RRM2B: variants seen among roughly 807,000 people sequenced by gnomAD.
RRM2B encodes the protein ribonucleotide reductase regulatory TP53 inducible subunit M2B.
RRM2B carries 20 observed loss-of-function variants against 45.9 expected under a neutral mutation model. The observed-to-expected ratio is 0.44, with a 90% confidence interval of 0.31 to 0.63. RRM2B has a LOEUF of 0.63. RRM2B is among the 30% of genes least tolerant of loss of function. RRM2B has a pLI of 0.09. For missense variants in RRM2B, 320 were observed against 414.7 expected, an observed-to-expected ratio of 0.77 and a Z score of 1.98; for synonymous variants, 124 against 132.3, an observed-to-expected ratio of 0.94 and a Z score of 0.43.
At chr8:102,213,645 A>T (rs1810673282) in intron 7 of RRM2B, among the ~76,000 whole-genome samples, 1 of 152,160 alleles carries the variant, frequency 6.6e-6, no homozygotes, top group South Asian at 2.1e-4. Flanking sequence ...TATTCATTCT[A>T]TAAAAATTTG....
rs1337364087 is a variant in RRM2B at position 102,207,434 on chromosome 8, C to T, written c.*699G>A. On this transcript the variant is annotated 3_prime_UTR_variant, in exon 9 of 9. Transcript: ENST00000251810. ...ACTACCATGATAACCTCCTGGTTTC[C>T]ACTCCATAAGTAGGCTTCCCAAAGC... The T allele has an allele frequency of 1.3e-5, 2 of 152,122 alleles. No individual in the cohort carries two copies. Among genetic ancestry groups the T allele is most frequent in the Non-Finnish European group, 2.9e-5 (2 of 67,998 alleles). The allele number at this position is 152,122 out of a possible 1,614,324, so 9.4% of individuals were successfully genotyped here. A position where few individuals can be genotyped will look rare whatever the true frequency, so the allele number is the denominator to read the frequency against.
intron 2 of RRM2B, among the ~76,000 whole-genome samples, chr8:102,229,922 T>C (rs555489537): frequency 2.0e-4 from 31 of 152,326 alleles, no homozygotes; most frequent in Non-Finnish European, 2.9e-4. Flanking sequence ...ATGTTAATAT[T>C]GTAAGATGCT....
At chr8:102,215,610 A>G (rs113592170) in intron 6 of RRM2B, among the ~76,000 whole-genome samples, 81 of 152,278 alleles carry the variant, frequency 5.3e-4, no homozygotes, top group African/African-American at 1.9e-3. Context: ...CCAAGCGGGC[A>G]CAGAGGTCAA....
Position 102,224,978 on chromosome 8 carries a change from C to T in RRM2B, c.362G>A (p.Arg121His), listed in dbSNP as rs267607024. The T allele has an allele frequency of 6.2e-6, 10 of 1,613,846 alleles. No homozygotes were observed. Among genetic ancestry groups the T allele is most frequent in the African/African-American group, 2.7e-5 (2 of 74,900 alleles). Residue 121 changes from arginine (R) to histidine (H), a missense_variant, in exon 4 of 9, where the codon CGC becomes CAC. This residue lies in a region of RRM2B where 225 missense variants were observed against 289.4 expected (regional missense o/e 0.78). Coordinates refer to ENST00000251810, the MANE Select transcript of RRM2B (RefSeq NM_015713.5). Reference protein sequence around the residue: ...FSQEVQVPEARCFYGFQILIE... With the variant: ...FSQEVQVPEAHCFYGFQILIE... ...GAGAATTTGAAAGCCATAGAAACAG[C>T]GAGCCTCTGGAACCTGCACCTCCTG...
intron 1 of RRM2B, among the ~76,000 whole-genome samples, chr8:102,238,131 AAACAACTTGGATG>A (rs1301967735): frequency 6.6e-6 from 1 of 152,260 alleles, no homozygotes; most frequent in Non-Finnish European, 1.5e-5. Context: ...TTATCAGCAT[AAACAACTTGGATG>A]AACAACTTGG....
At chr8:102,219,091 T>G in intron 5 of RRM2B, 144 bp from the exon 6 acceptor site, 1 of 846,322 alleles carries the variant, frequency 1.2e-6, no homozygotes, top group Non-Finnish European at 1.9e-6. Context: ...AAGATCTCCA[T>G]AGGAGAAAAT....
chr8:102,226,680 T>C (rs1410749523), intron 2 of RRM2B, among the ~76,000 whole-genome samples: 1 of 152,184 alleles, frequency 6.6e-6, no homozygotes, highest in East Asian at 1.9e-4. Flanking sequence ...CAGTCTACTT[T>C]TACATCCAGA....
chr8:102,219,783 G>A (rs1169384834), intron 5 of RRM2B, among the ~76,000 whole-genome samples: 1 of 152,224 alleles, frequency 6.6e-6, no homozygotes. Context: ...GATACAGGCA[G>A]CTGAGTGCTT....
intron 7 of RRM2B, among the ~76,000 whole-genome samples, 190 bp from the exon 8 acceptor site, chr8:102,213,079 T>C (rs1045439822): frequency 4.6e-5 from 7 of 152,194 alleles, no homozygotes; most frequent in Non-Finnish European, 8.8e-5. Context: ...ACTATTCACA[T>C]TTTTTCATGT....
chr8:102,215,182 G>A (rs929262341), intron 6 of RRM2B, among the ~76,000 whole-genome samples: 8 of 151,540 alleles, frequency 5.3e-5, no homozygotes, highest in African/African-American at 1.9e-4. Context: ...GGAGGCTAAG[G>A]TGGGCAGATT....
intron 4 of RRM2B, among the ~76,000 whole-genome samples, 171 bp downstream of exon 4, chr8:102,224,714 C>A (rs1207998603): frequency 6.6e-6 from 1 of 152,072 alleles, no homozygotes; most frequent in Non-Finnish European, 1.5e-5. Context: ...TTAACTGGTT[C>A]TATAACAAGT....
chr8:102,212,148 T>C (rs893929797), intron 8 of RRM2B, among the ~76,000 whole-genome samples: 1 of 152,172 alleles, frequency 6.6e-6, no homozygotes, highest in Non-Finnish European at 1.5e-5. Context: ...AACAATCCTT[T>C]GTAGTAAATA....
intron 2 of RRM2B, 43 bp downstream of exon 2, chr8:102,232,106 T>C (rs190995250): frequency 1.9e-6 from 3 of 1,562,050 alleles, no homozygotes; most frequent in East Asian, 4.5e-5. Flanking sequence ...GAAGGAACAC[T>C]GCACTATAGG....
chr8:102,235,825 G>A (rs1019236579), intron 1 of RRM2B, among the ~76,000 whole-genome samples: 2 of 152,182 alleles, frequency 1.3e-5, no homozygotes, highest in African/African-American at 2.4e-5. Context: ...CCTGGTGACA[G>A]AGTGAGACTC....
At chr8:102,231,430 T>C (rs928929561) in intron 2 of RRM2B, among the ~76,000 whole-genome samples, 3 of 152,182 alleles carry the variant, frequency 2.0e-5, no homozygotes, top group African/African-American at 7.2e-5. Context: ...TTTTGTACAA[T>C]CAGATAAATC....
intron 8 of RRM2B, among the ~76,000 whole-genome samples, chr8:102,210,592 A>G (rs1244302243): frequency 6.6e-6 from 1 of 151,958 alleles, no homozygotes; most frequent in Non-Finnish European, 1.5e-5. Flanking sequence ...CCTCCCGAGT[A>G]GCTAGGATTA....
chr8:102,230,899 G>A (rs1008975592), intron 2 of RRM2B, among the ~76,000 whole-genome samples: 2 of 152,210 alleles, frequency 1.3e-5, no homozygotes, highest in Non-Finnish European at 2.9e-5. Flanking sequence ...AGGATACACA[G>A]AGAGGTTATG....
chr8:102,233,096 T>C lies in RRM2B; in HGVS notation c.49-792A>G, dbSNP rs150786767. On this transcript the variant is annotated intron_variant, in intron 1 of 8. Transcript: ENST00000251810. ...TGAGAATGAGTATAAACAAAGGACA[T>C]ACAAATAAGCTAAACGTGTATAAAC... Among the ~76,000 whole-genome samples the C allele has an allele frequency of 2.0e-3, 297 of 152,232 alleles. 3 individuals carry two copies. The highest frequency in any genetic ancestry group is 6.5e-3 in the African/African-American group (269 of 41,528).
chr8:102,238,448 G>T, intron 1 of RRM2B: 2 of 984,092 alleles, frequency 2.0e-6, no homozygotes, highest in Non-Finnish European at 2.7e-6. Context: ...CACCTCTCCA[G>T]CAGAGCCGCC....
Sources: allele counts gnomAD v4.1 joint callset (sites outside exome capture counted in the v4.1 genomes callset), GRCh38; gene constraint gnomAD v4.1.1; regional missense constraint gnomAD v4.1.1; transcripts MANE v1.5; gene names NCBI Gene and HGNC (gene_info 2026-07-23, HGNC 2026-07-21).